SLC35F4: variants seen among roughly 807,000 people sequenced by gnomAD.
SLC35F4 encodes the protein chromosome 14 open reading frame 36.
Under a neutral mutation model 44.2 loss-of-function variants are expected in SLC35F4, and 24 were observed. The observed-to-expected ratio is 0.54, with a 90% CI of 0.39 to 0.76. The LOEUF (loss-of-function observed/expected upper bound fraction) is 0.76, where lower values mean the gene tolerates loss of function less well. Among genes scored for constraint, SLC35F4 ranks in the 30% least tolerant of loss-of-function variants. The pLI is 0.00. For synonymous variants in SLC35F4, 238 were observed against 223.6 expected (o/e 1.06, Z -0.57); for missense variants, 562 against 586.1 (o/e 0.96, Z 0.42).
rs75684282 is a variant in SLC35F4 at position 57,584,697 on chromosome 14, G to T, written c.588-3264C>A. On this transcript the variant is annotated intron_variant, in intron 3 of 7. Transcript: ENST00000556826. ...AGTTCAGAGTTAGTCTGACATGAGA[G>T]ATGTGGAAAAAATGAAGTGCATTCC... 3.8e-3 allele frequency among the ~76,000 whole-genome samples: 585 copies of T among 152,284 alleles called. 3 individuals are homozygous for T. Among genetic ancestry groups the T allele is most frequent in the African/African-American group, 0.014 (572 of 41,556 alleles).
intron 1 of SLC35F4, among the ~76,000 whole-genome samples, chr14:57,767,095 A>G (rs1036354801): frequency 1.3e-5 from 2 of 152,216 alleles, no homozygotes; most frequent in African/African-American, 4.8e-5. Context: ...TAAAACAAAC[A>G]GATGGACCTG....
intron 1 of SLC35F4, among the ~76,000 whole-genome samples, chr14:57,760,185 T>A (rs973359265): frequency 1.1e-4 from 16 of 152,188 alleles, no homozygotes; most frequent in Admixed American, 7.9e-4. Flanking sequence ...AGGTCTTTTT[T>A]TCGCTTTGAG....
chr14:57,810,367 G>A (rs1028868837), intron 1 of SLC35F4, among the ~76,000 whole-genome samples: 3 of 152,148 alleles, frequency 2.0e-5, no homozygotes, highest in Non-Finnish European at 4.4e-5. Flanking sequence ...CTGGTTCTGG[G>A]GAGCATTTGA....
chr14:57,710,654 C>G (rs142968530), intron 1 of SLC35F4, among the ~76,000 whole-genome samples: 15 of 152,296 alleles, frequency 9.8e-5, no homozygotes, highest in African/African-American at 3.6e-4. Context: ...GAGTCGACCT[C>G]TTGCACCAGT....
intron 1 of SLC35F4, among the ~76,000 whole-genome samples, chr14:57,829,146 A>G (rs1884088091): frequency 6.6e-6 from 1 of 152,224 alleles, no homozygotes; most frequent in African/African-American, 2.4e-5. Context: ...AGCTACACAG[A>G]CAAATGATGT....
At chr14:57,675,413 G>A (rs561116468) in intron 1 of SLC35F4, among the ~76,000 whole-genome samples, 1 of 152,100 alleles carries the variant, frequency 6.6e-6, no homozygotes, top group African/African-American at 2.4e-5. Flanking sequence ...CATTTTTTTG[G>A]ATGAGTCCTT....
At chr14:57,850,937 A>T (rs1886503255) in intron 1 of SLC35F4, among the ~76,000 whole-genome samples, 1 of 152,218 alleles carries the variant, frequency 6.6e-6, no homozygotes, top group Admixed American at 6.5e-5. Flanking sequence ...TATGACATTA[A>T]TTCAACTTGT....
chr14:57,925,815 T>A (rs1020999211), intron 1 of SLC35F4, among the ~76,000 whole-genome samples: 2 of 152,182 alleles, frequency 1.3e-5, no homozygotes, highest in African/African-American at 4.8e-5. Context: ...TTACACAAGG[T>A]ACACAATTTG....
chr14:57,697,941 T>C (rs1263513058), intron 1 of SLC35F4, among the ~76,000 whole-genome samples: 1 of 152,196 alleles, frequency 6.6e-6, no homozygotes, highest in Non-Finnish European at 1.5e-5. Flanking sequence ...GCTTAAGACA[T>C]GAGGTCTGAA....
chr14:57,828,909 C>G (rs1260643827), intron 1 of SLC35F4, among the ~76,000 whole-genome samples: 1 of 152,220 alleles, frequency 6.6e-6, no homozygotes, highest in Non-Finnish European at 1.5e-5. Context: ...CAAGCTCACC[C>G]ACGGGACACT....
At chr14:57,630,115 A>T (rs2072693009) in intron 1 of SLC35F4, 1 of 547,666 alleles carries the variant, frequency 1.8e-6, no homozygotes, top group African/African-American at 1.9e-5. Context: ...CATAATTTGG[A>T]CAGAAAGTGG....
chr14:57,921,324 G>A (rs1238401845), intron 1 of SLC35F4, among the ~76,000 whole-genome samples: 1 of 152,210 alleles, frequency 6.6e-6, no homozygotes, highest in Non-Finnish European at 1.5e-5. Context: ...GACACTGGAA[G>A]TCATTCTCGT....
intron 1 of SLC35F4, among the ~76,000 whole-genome samples, chr14:57,643,072 C>T (rs2073322637): frequency 1.1e-5 from 1 of 89,786 alleles, no homozygotes; most frequent in African/African-American, 3.0e-5. Flanking sequence ...ATCTAATTAG[C>T]CCAAATATAA....
intron 1 of SLC35F4, among the ~76,000 whole-genome samples, chr14:57,676,201 C>T (rs938674310): frequency 5.9e-5 from 9 of 151,874 alleles, no homozygotes; most frequent in African/African-American, 1.7e-4. Flanking sequence ...TGAACACATA[C>T]GTGAATAAGA....
rs5808935 is a variant in SLC35F4 at position 57,702,331 on chromosome 14, TAAAAAA to T, written c.104-108213_104-108208del. Among the ~76,000 whole-genome samples, 87 of 136,626 alleles carry T rather than the reference TAAAAAA, an allele frequency of 6.4e-4. 1 individual carries two copies. Among genetic ancestry groups the T allele is most frequent in the African/African-American group, 2.2e-3 (79 of 36,620 alleles). 89.6% of individuals were successfully genotyped at this position (136,626 alleles called of 152,430 possible). A position where few individuals can be genotyped will look rare whatever the true frequency, so the allele number is the denominator to read the frequency against. On this transcript the variant is annotated intron_variant, in intron 1 of 7. Transcript: ENST00000556826. ...ATGCCCAAATAAATATCATTTTCTT[TAAAAAA>T]AAAAAAAAAAAAAGGAAAACAGGGT...
chr14:57,648,758 A>G (rs1193546305), intron 1 of SLC35F4, among the ~76,000 whole-genome samples: 2 of 152,240 alleles, frequency 1.3e-5, no homozygotes, highest in African/African-American at 4.8e-5. Flanking sequence ...CAAGCTCTTC[A>G]GCAACACCCT....
intron 1 of SLC35F4, among the ~76,000 whole-genome samples, chr14:57,832,847 A>T (rs149859841): frequency 0.018 from 2,796 of 152,220 alleles, 172 homozygotes; most frequent in Admixed American, 0.13. Context: ...CTGATAAAAA[A>T]TTTTTTCACA....
At chr14:57,871,646 G>A (rs1343418316) in intron 1 of SLC35F4, among the ~76,000 whole-genome samples, 5 of 152,148 alleles carry the variant, frequency 3.3e-5, no homozygotes, top group Admixed American at 3.3e-4. Flanking sequence ...TTGCCAAATA[G>A]TCATGGTTCT....
chr14:57,865,133 G>A (rs1372396457), intron 1 of SLC35F4, among the ~76,000 whole-genome samples: 1 of 149,154 alleles, frequency 6.7e-6, no homozygotes, highest in African/African-American at 2.5e-5. Context: ...ACCTGAGCAG[G>A]TTCTTTTCTC....
Sources: gnomAD v4.1 joint callset for allele counts (sites outside exome capture counted in the v4.1 genomes callset) on GRCh38, gnomAD v4.1.1 for gene constraint, MANE v1.5 for transcripts, NCBI Gene and HGNC (gene_info 2026-07-23, HGNC 2026-07-21) for gene names.